The following MMP26 variants were observed in gnomAD, a reference collection of about 807,000 sequenced individuals.
MMP26 encodes the protein matrix metalloproteinase-26.
A neutral mutation model predicts 31.0 loss-of-function variants in MMP26; 33 were observed. The observed-to-expected ratio is 1.06, with a 90% CI of 0.81 to 1.42. The LOEUF (loss-of-function observed/expected upper bound fraction) is 1.42. MMP26 is among the 40% of genes most tolerant of loss of function. The pLI, the probability that MMP26 is intolerant of heterozygous loss-of-function variation, is 0.00. For missense variants in MMP26, 347 were observed against 316.1 expected (o/e 1.10, Z -0.74); for synonymous variants, 122 against 114.9 (o/e 1.06, Z -0.40).
At position 4,856,541 on chromosome 11, in the gene MMP26, G is replaced by A. The variant is rs558668342; in HGVS notation, c.-145+89200G>A. Among the ~76,000 whole-genome samples, 1,281 of 152,106 alleles carry A rather than the reference G, an allele frequency of 8.4e-3. 19 individuals are homozygous for A. The highest frequency in any genetic ancestry group is 0.027 in the African/African-American group (1,108 of 41,478). On this transcript the variant is annotated intron_variant, in intron 2 of 7. Coordinates refer to ENST00000380390, the MANE Select transcript of MMP26 (RefSeq NM_021801.5). ...AGCTAACTGTCCTAAATATATATGCGCCCAATACAGGAGCACCCAGATTCA... is the reference window on the plus strand; with the variant it reads ...AGCTAACTGTCCTAAATATATATGCACCCAATACAGGAGCACCCAGATTCA...
intron 1 of MMP26, among the ~76,000 whole-genome samples, chr11:4,735,841 TG>T (rs1848232967): frequency 6.6e-6 from 1 of 152,202 alleles, no homozygotes; most frequent in Non-Finnish European, 1.5e-5. Context: ...ACAGAATATA[TG>T]ACTTATTGTT....
intron 2 of MMP26, among the ~76,000 whole-genome samples, chr11:4,854,254 C>A (rs1850016784): frequency 6.6e-6 from 1 of 152,176 alleles, no homozygotes; most frequent in African/African-American, 2.4e-5. Flanking sequence ...TGAGCTGAAA[C>A]AGGGCGGGGC....
chr11:4,981,413 T>C (rs1368785514), intron 2 of MMP26, among the ~76,000 whole-genome samples: 2 of 152,124 alleles, frequency 1.3e-5, no homozygotes, highest in African/African-American at 4.8e-5. Context: ...GCTATTGTAC[T>C]AAATACTATA....
intron 2 of MMP26, among the ~76,000 whole-genome samples, chr11:4,893,942 TA>T (rs555259201): frequency 0.014 from 1,895 of 139,458 alleles, 26 homozygotes; most frequent in South Asian, 0.031. Flanking sequence ...TCTACAAAAA[TA>T]AAAAAAAAAA....
chr11:4,938,493 A>C (rs1935592690), intron 2 of MMP26, among the ~76,000 whole-genome samples: 1 of 152,124 alleles, frequency 6.6e-6, no homozygotes, highest in Non-Finnish European at 1.5e-5. Context: ...AGCCAAACAT[A>C]AAAGCAAATG....
intron 2 of MMP26, among the ~76,000 whole-genome samples, chr11:4,783,353 G>A (rs180869950): frequency 7.9e-5 from 12 of 152,332 alleles, no homozygotes; most frequent in African/African-American, 2.4e-4. Context: ...CTGGATTTCG[G>A]ATTTGTGTGG....
At chr11:4,857,811 A>G (rs1220774928) in intron 2 of MMP26, among the ~76,000 whole-genome samples, 1 of 152,220 alleles carries the variant, frequency 6.6e-6, no homozygotes, top group South Asian at 2.1e-4. Context: ...ATGAACATCA[A>G]TGCAAAAATA....
chr11:4,988,293 G>A lies in MMP26; in HGVS notation c.82G>A (p.Gly28Arg), dbSNP rs772045531. The A allele has an allele frequency of 6.2e-7, 1 of 1,614,002 alleles. No individual in the cohort carries two copies. The highest frequency in any genetic ancestry group is 8.5e-7 in the Non-Finnish European group (1 of 1,179,978). Reference sequence around the variant, plus strand: ...AGTGCCCCCTGCTGCAGACCATAAAGGATGGGACTTTGTTGAGGTAGGTGA... The same window carrying A: ...AGTGCCCCCTGCTGCAGACCATAAAAGATGGGACTTTGTTGAGGTAGGTGA... Reference protein sequence around the residue: ...VPVPPAADHKGWDFVEGYFHQ... With the variant: ...VPVPPAADHKRWDFVEGYFHQ... Residue 28 changes from glycine (G) to arginine (R), a missense_variant, in exon 3 of 8, where the codon GGA (glycine) becomes AGA (arginine). Transcript: ENST00000380390.
At chr11:4,880,163 C>A (rs1324155439) in intron 2 of MMP26, among the ~76,000 whole-genome samples, 1 of 152,082 alleles carries the variant, frequency 6.6e-6, no homozygotes, top group African/African-American at 2.4e-5. Context: ...ATCAAGAATG[C>A]TCCCCATTGC....
intron 2 of MMP26, among the ~76,000 whole-genome samples, chr11:4,987,305 G>A (rs1003427627): frequency 1.3e-5 from 2 of 151,980 alleles, no homozygotes; most frequent in African/African-American, 4.8e-5. Context: ...TATTATCAAT[G>A]CTTTGTTTTC....
intron 2 of MMP26, among the ~76,000 whole-genome samples, chr11:4,967,040 C>T (rs1217058677): frequency 6.6e-6 from 1 of 152,114 alleles, no homozygotes; most frequent in East Asian, 1.9e-4. Flanking sequence ...GTTCACACAC[C>T]AGCAGGCAAG....
At chr11:4,820,061 C>A (rs931960793) in intron 2 of MMP26, among the ~76,000 whole-genome samples, 1 of 152,136 alleles carries the variant, frequency 6.6e-6, no homozygotes, top group Non-Finnish European at 1.5e-5. Context: ...ATCAAACTCC[C>A]CTCCAAAGAT....
chr11:4,724,056 GA>G, intron 1 of MMP26: 2 of 657,876 alleles, frequency 3.0e-6, no homozygotes, highest in Non-Finnish European at 5.5e-6. Context: ...TACCACTGGG[GA>G]AAAGCTTGAG....
intron 2 of MMP26, among the ~76,000 whole-genome samples, chr11:4,833,312 G>T (rs1025497892): frequency 1.3e-5 from 2 of 152,088 alleles, no homozygotes; most frequent in Non-Finnish European, 2.9e-5. Flanking sequence ...TGTTCTTTGG[G>T]TGATTGATAA....
chr11:4,760,320 T>C (rs1292527239), intron 1 of MMP26, among the ~76,000 whole-genome samples: 1 of 152,180 alleles, frequency 6.6e-6, no homozygotes, highest in Non-Finnish European at 1.5e-5. Flanking sequence ...TTAAGATGGA[T>C]CCTTTATTAT....
intron 2 of MMP26, among the ~76,000 whole-genome samples, chr11:4,841,704 A>G (rs533500303): frequency 1.2e-4 from 18 of 152,192 alleles, no homozygotes; most frequent in Admixed American, 3.3e-4. Flanking sequence ...AGGCCGAAGC[A>G]GGCAGATCAC....
rs1330686320 is a variant in MMP26, at chr11:4,950,565, TAGAA to T, written c.-144-37498_-144-37495del. 3.3e-5 allele frequency among the ~76,000 whole-genome samples: 4 copies of T among 121,086 alleles called. 1 individual carries two copies. Among genetic ancestry groups the T allele is most frequent in the Admixed American group, 9.5e-5 (1 of 10,562 alleles). The allele number at this position is 121,086 out of a possible 152,430, so 79.4% of individuals were successfully genotyped here. Reference sequence around the variant, plus strand: ...AGATGATAGTCAAAAGGTAAAAAGTTAGAAAGAATAAATTCGATTATTTTATAAC... The same window carrying T: ...AGATGATAGTCAAAAGGTAAAAAGTTAGAATAAATTCGATTATTTTATAAC... On this transcript the variant is annotated intron_variant, in intron 2 of 7. Transcript: ENST00000380390.
At chr11:4,921,720 C>T (rs906323421) in intron 2 of MMP26, among the ~76,000 whole-genome samples, 2 of 152,166 alleles carry the variant, frequency 1.3e-5, no homozygotes, top group South Asian at 2.1e-4. Context: ...ATCATATGCA[C>T]TTATTTAAAG....
chr11:4,785,570 G>A (rs569165397), intron 2 of MMP26, among the ~76,000 whole-genome samples: 7 of 151,412 alleles, frequency 4.6e-5, no homozygotes, highest in African/African-American at 1.5e-4. Flanking sequence ...TTACTTACAT[G>A]ACTTTTCAAA....
Sources: allele counts gnomAD v4.1 joint callset (sites outside exome capture counted in the v4.1 genomes callset), GRCh38; gene constraint gnomAD v4.1.1; transcripts MANE v1.5; gene names NCBI Gene and HGNC (gene_info 2026-07-23, HGNC 2026-07-21).